Variants in NYAP2 observed in about 807,000 individuals in gnomAD.
NYAP2 encodes neuronal tyrosine-phosphorylated phosphoinositide-3-kinase adaptor 2, also known as neuronal tyrosine-phosphorylated phosphoinositide-3-kinase adapter 2.
A neutral mutation model predicts 50.4 loss-of-function variants in NYAP2; 23 were observed. The ratio of observed to expected loss-of-function variants is 0.46; its 90% CI spans 0.33 to 0.65. The LOEUF (loss-of-function observed/expected upper bound fraction) is 0.65. NYAP2 is among the 30% of genes least tolerant of loss of function. NYAP2 has a pLI of 0.02. For synonymous variants in NYAP2, 394 were observed against 365.2 expected (o/e 1.08, Z -0.90); for missense variants, 885 against 861.0 (o/e 1.03, Z -0.35).
intron 4 of NYAP2, among the ~76,000 whole-genome samples, chr2:225,565,456 A>G (rs1691945507): frequency 1.3e-5 from 2 of 152,224 alleles, no homozygotes; most frequent in Admixed American, 1.3e-4. Context: ...AGTTCAATGA[A>G]CATAGAATCT....
the NYAP2 span, among the ~76,000 whole-genome samples, chr2:225,661,046 G>A: frequency 2.1e-3 from 321 of 152,194 alleles, 1 homozygote; most frequent in African/African-American, 7.2e-3. Flanking sequence ...TTTGCCAACT[G>A]AAAAGGAAAA....
At chr2:225,659,770 A>T in the NYAP2 span, among the ~76,000 whole-genome samples, 6,634 of 152,322 alleles carry the variant, frequency 0.044, 225 homozygotes, top group South Asian at 0.12. Flanking sequence ...TTAATGAGAT[A>T]ACATAGGTGT....
At chr2:225,518,582 T>TTATATA (rs375598039) in intron 4 of NYAP2, among the ~76,000 whole-genome samples, 4 of 71,714 alleles carry the variant, frequency 5.6e-5, no homozygotes, top group African/African-American at 2.1e-4. Context: ...GCGTGTGCGC[T>TTATATA]TATATATATA....
intron 4 of NYAP2, among the ~76,000 whole-genome samples, chr2:225,514,053 A>G (rs562766269): frequency 3.1e-4 from 47 of 152,348 alleles, no homozygotes; most frequent in African/African-American, 8.7e-4. Flanking sequence ...GAAAAAGCTT[A>G]TAATCATTTT....
chr2:225,450,636 G>T (rs1689634618), intron 3 of NYAP2, among the ~76,000 whole-genome samples: 1 of 152,232 alleles, frequency 6.6e-6, no homozygotes, highest in Non-Finnish European at 1.5e-5. Context: ...ATGGGAATCT[G>T]ATTTTTATGA....
chr2:225,500,833 G>C (rs1690591751), intron 3 of NYAP2, among the ~76,000 whole-genome samples: 3 of 152,222 alleles, frequency 2.0e-5, no homozygotes, highest in Admixed American at 2.0e-4. Context: ...CATTTTTCTG[G>C]TATGAAATTT....
At chr2:225,454,078 C>T (rs1264938142) in intron 3 of NYAP2, among the ~76,000 whole-genome samples, 1 of 152,062 alleles carries the variant, frequency 6.6e-6, no homozygotes, top group South Asian at 2.1e-4. Flanking sequence ...AATTCCAACA[C>T]TTTGGGAGGT....
the NYAP2 span, among the ~76,000 whole-genome samples, chr2:225,693,953 C>T: frequency 7.9e-5 from 12 of 152,034 alleles, no homozygotes; most frequent in Admixed American, 5.9e-4. Context: ...AGACAGGAAG[C>T]TTCACTTGAT....
chr2:225,660,095 C>A, the NYAP2 span, among the ~76,000 whole-genome samples: 1 of 152,140 alleles, frequency 6.6e-6, no homozygotes, highest in Non-Finnish European at 1.5e-5. Flanking sequence ...GCACCTGGGG[C>A]AAATTGATTT....
chr2:225,454,107 T>G (rs942735493), intron 3 of NYAP2, among the ~76,000 whole-genome samples: 4 of 152,088 alleles, frequency 2.6e-5, no homozygotes, highest in Non-Finnish European at 4.4e-5. Flanking sequence ...GAGAATCACT[T>G]GAGCCCAGGA....
chr2:225,512,662 A>ATTTT (rs879650624), intron 3 of NYAP2, among the ~76,000 whole-genome samples: 1,516 of 90,858 alleles, frequency 0.017, 14 homozygotes, highest in Non-Finnish European at 0.025. Flanking sequence ...CCTTCCTCCC[A>ATTTT]TCTTTCTTTG....
At chr2:225,443,565 T>C (rs1689504902) in intron 3 of NYAP2, among the ~76,000 whole-genome samples, 1 of 151,970 alleles carries the variant, frequency 6.6e-6, no homozygotes, top group Non-Finnish European at 1.5e-5. Flanking sequence ...CTGGTATGTA[T>C]ATGGTCCAGC....
chr2:225,564,028 G>A (rs1003370570), intron 4 of NYAP2, among the ~76,000 whole-genome samples: 3 of 151,952 alleles, frequency 2.0e-5, no homozygotes, highest in Non-Finnish European at 2.9e-5. Flanking sequence ...CATCTTGATG[G>A]CATTTATTAT....
intron 3 of NYAP2, among the ~76,000 whole-genome samples, chr2:225,494,034 C>G (rs188842772): frequency 2.0e-5 from 3 of 152,188 alleles, no homozygotes; most frequent in African/African-American, 7.2e-5. Context: ...GCCTCCAATG[C>G]TACACTCTTC....
At position 225,582,845 on chromosome 2, in the gene NYAP2, C is replaced by T. The variant is rs1244503368; in HGVS notation, c.1428C>T (p.Thr476=). 2 of 1,613,854 alleles carry T rather than the reference C, an allele frequency of 1.2e-6. No homozygotes were observed. The highest frequency in any genetic ancestry group is 1.1e-5 in the South Asian group (1 of 91,084). The change falls in exon 5 of 7, where the codon ACC becomes ACT. Residue 476 remains threonine, a synonymous_variant. Transcript: ENST00000636099. This position sits in a 1 kb window ranked among gnomAD's most constrained non-coding sequence, Gnocchi z 7.0. ...GCTCTCCTTCAGTGCCTCACTCGAC[C>T]CCCAGACCCGTGTCGCAAGATGGGG...
the NYAP2 span, among the ~76,000 whole-genome samples, chr2:225,669,489 A>C: frequency 2.4e-4 from 36 of 152,302 alleles, no homozygotes; most frequent in African/African-American, 8.2e-4. Flanking sequence ...ACTAGAGATA[A>C]AACTGGCAGC....
At position 225,456,202 on chromosome 2, in the gene NYAP2, A is replaced by G. The variant is rs529212934; in HGVS notation, c.221+47101A>G. Among the ~76,000 whole-genome samples the G allele has an allele frequency of 2.6e-5, 4 of 152,388 alleles. No individual in the cohort carries two copies. The South Asian group carries it at 8.3e-4, about 32-fold the overall frequency. On this transcript the variant is annotated intron_variant, in intron 3 of 6. Coordinates refer to ENST00000636099, the Ensembl canonical transcript of NYAP2. ...CTTTTTAAAAAGCTCTGAGACAACC[A>G]GAAATGGCCCAGTGAATTTGAGTCA...
At chr2:225,672,087 T>TA in the NYAP2 span, among the ~76,000 whole-genome samples, 2 of 152,024 alleles carry the variant, frequency 1.3e-5, no homozygotes, top group Non-Finnish European at 2.9e-5. Context: ...GGCTTCAACT[T>TA]AAAGTCACTG....
chr2:225,657,156 G>T (rs1470107746), downstream of NYAP2, among the ~76,000 whole-genome samples: 1 of 143,646 alleles, frequency 7.0e-6, no homozygotes, highest in Non-Finnish European at 1.5e-5. Flanking sequence ...TGTTGCCTAG[G>T]CTGGCGTGCA....
Sources: gnomAD v4.1 joint callset for allele counts (sites outside exome capture counted in the v4.1 genomes callset) on GRCh38, gnomAD v4.1.1 for gene constraint, Gnocchi (gnomAD v3.1) non-coding constraint, MANE v1.5 for transcripts, NCBI Gene and HGNC (gene_info 2026-07-23, HGNC 2026-07-21) for gene names.